Variants in HTRA3 observed in about 807,000 individuals in gnomAD.
HTRA3 encodes the protein serine protease HTRA3.
Under a neutral mutation model 43.2 loss-of-function variants are expected in HTRA3, and 41 were observed. That is an observed-to-expected ratio of 0.95 (90% CI 0.74 to 1.23). HTRA3 has a LOEUF of 1.23. HTRA3 is among the 50% of genes most tolerant of loss of function. The pLI is 0.00. For synonymous variants in HTRA3, 295 were observed against 287.9 expected, an observed-to-expected ratio of 1.02 and a Z score of -0.25; for missense variants, 628 against 647.1, an observed-to-expected ratio of 0.97 and a Z score of 0.32.
In HTRA3 at chr4:8,306,188, A is replaced by T; in HGVS notation, c.*52A>T. The T allele has an allele frequency of 6.6e-7, 1 of 1,508,198 alleles. No homozygotes were observed. Among genetic ancestry groups the T allele is most frequent in the Non-Finnish European group, 8.9e-7 (1 of 1,122,824 alleles). 93.4% of individuals were successfully genotyped at this position (1,508,198 alleles called of 1,614,324 possible). Reference sequence around the variant, plus strand: ...TCAGAGCCTGCAGACAACGGAGGGCAGCGCCCCCCCGAGATCAGGACGAAG... The same window carrying T: ...TCAGAGCCTGCAGACAACGGAGGGCTGCGCCCCCCCGAGATCAGGACGAAG... On this transcript the variant is annotated 3_prime_UTR_variant, in exon 9 of 9. Transcript: ENST00000307358. The surrounding 1 kb of genome is among the most constrained non-coding windows in gnomAD (Gnocchi z 8.9).
rs750562329 is a variant in HTRA3, at chr4:8,304,292, AGAG to A, written c.1196+17_1196+19del. ...CACCTTCTCAGAGGTAGGCTCTGCC[AGAG>A]GAGATCGCTCGAGGCATGGGGCAGG... is the stretch of plus-strand genomic sequence containing the variant. On this transcript the variant is annotated intron_variant, in intron 8 of 8. Coordinates refer to ENST00000307358, the MANE Select transcript of HTRA3 (RefSeq NM_053044.5). The A allele has an allele frequency of 1.8e-5, 29 of 1,610,726 alleles. No individual in the cohort carries two copies. Among genetic ancestry groups the A allele is most frequent in the Non-Finnish European group, 2.5e-5 (29 of 1,176,990 alleles).
chr4:8,271,740 C>T (rs982727949), intron 1 of HTRA3, among the ~76,000 whole-genome samples: 6 of 136,980 alleles, frequency 4.4e-5, no homozygotes, highest in South Asian at 2.9e-4. Flanking sequence ...CAAGGCCGAA[C>T]GCTGCCTGTA....
intron 6 of HTRA3, among the ~76,000 whole-genome samples, chr4:8,294,615 T>C (rs867443990): frequency 0.44 from 295 of 676 alleles, 12 homozygotes; most frequent in South Asian, 0.5. Flanking sequence ...CATCCATCCA[T>C]CCATCCATCC....
chr4:8,297,811 C>T lies in HTRA3; in HGVS notation c.1051+3610C>T, dbSNP rs1713506773. On this transcript the variant is annotated intron_variant, in intron 6 of 8. Transcript: ENST00000307358. The surrounding 1 kb of genome is among the most constrained non-coding windows in gnomAD (Gnocchi z 5.8). ...CCAGCCTGGCCCCTCCTGCTCCAGG[C>T]TCAGACGCGCAGCTGCTTGTGGGAT... Among the ~76,000 whole-genome samples the T allele has an allele frequency of 2.6e-5, 4 of 152,140 alleles. No homozygotes were observed. Among genetic ancestry groups the T allele is most frequent in the Admixed American group, 1.3e-4 (2 of 15,288 alleles).
chr4:8,304,643 G>GT lies in HTRA3; in HGVS notation c.1196+395dup, dbSNP rs140790982. Among the ~76,000 whole-genome samples, 103 of 62,718 alleles carry GT rather than the reference G, an allele frequency of 1.6e-3. 11 individuals are homozygous for GT. Among genetic ancestry groups the GT allele is most frequent in the African/African-American group, 2.9e-3 (43 of 14,644 alleles). 41.1% of individuals were successfully genotyped at this position (62,718 alleles called of 152,430 possible). On this transcript the variant is annotated intron_variant, in intron 8 of 8. Transcript: ENST00000307358. ...TAAAGTGGAGATAATTCAGCCTATT[G>GT]TTTTTTTTTTTTTTTTTTTTTTTTT...
chr4:8,275,303 C>T (rs988577632), intron 1 of HTRA3, among the ~76,000 whole-genome samples: 4 of 152,246 alleles, frequency 2.6e-5, no homozygotes, highest in African/African-American at 9.6e-5. Context: ...CACACAGCAG[C>T]CTGAAGGGAC....
rs897649695 is a variant in HTRA3 at position 8,306,907 on chromosome 4, G to T, written c.*771G>T. The T allele has an allele frequency of 6.6e-6, 1 of 152,654 alleles. No individual in the cohort carries two copies. The highest frequency in any genetic ancestry group is 1.5e-5 in the Non-Finnish European group (1 of 68,062). 9.5% of individuals were successfully genotyped at this position (152,654 alleles called of 1,614,324 possible). A position where few individuals can be genotyped will look rare whatever the true frequency, so the allele number is the denominator to read the frequency against. On this transcript the variant is annotated 3_prime_UTR_variant, in exon 9 of 9. Coordinates refer to ENST00000307358, the MANE Select transcript of HTRA3 (RefSeq NM_053044.5). This position sits in a 1 kb window ranked among gnomAD's most constrained non-coding sequence, Gnocchi z 8.9. ...GACTGAGCCGGCTTCCCCTTCCCACGCAGCTCTGGGATGCAGCAGCCGCTC... is the reference window on the plus strand; with the variant it reads ...GACTGAGCCGGCTTCCCCTTCCCACTCAGCTCTGGGATGCAGCAGCCGCTC...
At chr4:8,270,532 C>A (rs904674859) in intron 1 of HTRA3, among the ~76,000 whole-genome samples, 179 bp downstream of exon 1, 30 of 152,204 alleles carry the variant, frequency 2.0e-4, no homozygotes, top group African/African-American at 6.0e-4. Flanking sequence ...GAAAGGTAAA[C>A]CGCTGTCCCC....
Position 8,270,343 on chromosome 4 carries a change from C to T in HTRA3, c.375C>T (p.Ala125=), listed in dbSNP as rs1457959123. ...CCGTGCGCCAGCTGCAGAAGGGCGC[C>T]TGCCCGTTGGGTAAGCGCTCGGGGG... The part of the protein sequence containing the change: ...GTPVRQLQKG[A]CPLGLHQLSS... Residue 125 remains alanine (A), a synonymous_variant, in exon 1 of 9, where the codon GCC becomes GCT. Coordinates refer to ENST00000307358, the MANE Select transcript of HTRA3 (RefSeq NM_053044.5). 2.8e-6 allele frequency: 4 copies of T among 1,420,896 alleles called. No homozygotes were observed. The highest frequency in any genetic ancestry group is 3.7e-6 in the Non-Finnish European group (4 of 1,094,566). The allele number at this position is 1,420,896 out of a possible 1,614,324, so 88.0% of individuals were successfully genotyped here.
rs761047128 is a variant in HTRA3 at position 8,296,087 on chromosome 4, C to G, written c.1051+1886C>G. On this transcript the variant is annotated intron_variant, in intron 6 of 8. Coordinates refer to ENST00000307358, the MANE Select transcript of HTRA3 (RefSeq NM_053044.5). This position sits in a 1 kb window ranked among gnomAD's most constrained non-coding sequence, Gnocchi z 5.3. Reference sequence around the variant, plus strand: ...TGAATTATCCCATTCTCCATGGGTGCCTTTGACTTTGGCCTCCTTACTGGA... The same window carrying G: ...TGAATTATCCCATTCTCCATGGGTGGCTTTGACTTTGGCCTCCTTACTGGA... 5 of 1,039,492 alleles carry G rather than the reference C, an allele frequency of 4.8e-6. No individual in the cohort carries two copies. Among genetic ancestry groups the G allele is most frequent in the Non-Finnish European group, 5.8e-6 (5 of 865,738 alleles). 64.4% of individuals were successfully genotyped at this position (1,039,492 alleles called of 1,614,324 possible).
chr4:8,302,502 T>C lies in HTRA3; in HGVS notation c.1091T>C (p.Ile364Thr), dbSNP rs1446659220. 1 of 1,613,992 alleles carries C rather than the reference T, an allele frequency of 6.2e-7. No individual in the cohort carries two copies. The highest frequency in any genetic ancestry group is 8.5e-7 in the Non-Finnish European group (1 of 1,179,954). The stretch of plus-strand genomic sequence containing the variant: ...TTCATCGGCATACGGATGCGGACGA[T>C]CACACCAAGGTGAGTGTCTGAAGAG... ...KRFIGIRMRT[I>T]TPSLVDELKA... Residue 364 changes from isoleucine (I) to threonine (T), a missense_variant, in exon 7 of 9, where the codon ATC (isoleucine) becomes ACC (threonine). Coordinates refer to ENST00000307358, the MANE Select transcript of HTRA3 (RefSeq NM_053044.5).
At chr4:8,304,763 C>A (rs1713780005) in intron 8 of HTRA3, among the ~76,000 whole-genome samples, 1 of 148,398 alleles carries the variant, frequency 6.7e-6, no homozygotes, top group Non-Finnish European at 1.5e-5. Flanking sequence ...TCAAGCGACT[C>A]TCCTGCCTCA....
intron 3 of HTRA3, among the ~76,000 whole-genome samples, chr4:8,288,253 C>G (rs1356839244): frequency 2.0e-5 from 3 of 152,184 alleles, no homozygotes; most frequent in African/African-American, 7.2e-5. Context: ...GGGGTGTGCT[C>G]ACGGACAGGA....
chr4:8,273,670 C>T (rs2153003493), intron 1 of HTRA3, among the ~76,000 whole-genome samples: 1 of 152,164 alleles, frequency 6.6e-6, no homozygotes, highest in East Asian at 1.9e-4. Context: ...CTCTACTCTT[C>T]CCAGCCCCAC....
intron 1 of HTRA3, among the ~76,000 whole-genome samples, chr4:8,281,824 G>C (rs1712759050): frequency 6.6e-6 from 1 of 152,232 alleles, no homozygotes; most frequent in Non-Finnish European, 1.5e-5. Context: ...AGTCGGGCTG[G>C]GGTGTGGCCA....
chr4:8,282,248 A>G (rs1268439134), intron 1 of HTRA3, among the ~76,000 whole-genome samples, 189 bp from the exon 2 acceptor site: 3 of 152,002 alleles, frequency 2.0e-5, no homozygotes, highest in African/African-American at 7.2e-5. Flanking sequence ...CCCCTTCCCA[A>G]ATGCCTGGTG....
rs769532680 is a variant in HTRA3 at position 8,270,145 on chromosome 4, C to A, written c.177C>A (p.Gly59=). The part of the protein sequence containing the change: ...NCCLVCAASE[G]EPCGGPLDSP... The stretch of plus-strand genomic sequence containing the variant: ...GCCTGGTGTGCGCCGCCAGCGAGGG[C>A]GAGCCCTGTGGCGGCCCTCTGGACT... Residue 59 remains glycine, a synonymous_variant, in exon 1 of 9, where the codon GGC becomes GGA. Coordinates refer to ENST00000307358, the MANE Select transcript of HTRA3 (RefSeq NM_053044.5). 3.2e-6 allele frequency: 5 copies of A among 1,543,948 alleles called. No homozygotes were observed. The highest frequency in any genetic ancestry group is 4.3e-6 in the Non-Finnish European group (5 of 1,157,474).
intron 1 of HTRA3, among the ~76,000 whole-genome samples, chr4:8,276,516 T>C (rs971008305): frequency 6.6e-5 from 10 of 152,234 alleles, no homozygotes; most frequent in Non-Finnish European, 1.2e-4. Flanking sequence ...GGGAGTTTCA[T>C]TGGCCCCGGT....
At chr4:8,274,131 C>T (rs1712421295) in intron 1 of HTRA3, among the ~76,000 whole-genome samples, 1 of 152,214 alleles carries the variant, frequency 6.6e-6, no homozygotes, top group South Asian at 2.1e-4. Flanking sequence ...TGCCACCTGG[C>T]CCGCATCACC....
Sources: gnomAD v4.1 joint callset for allele counts (sites outside exome capture counted in the v4.1 genomes callset) on GRCh38, gnomAD v4.1.1 for gene constraint, Gnocchi (gnomAD v3.1) non-coding constraint, MANE v1.5 for transcripts, NCBI Gene and HGNC (gene_info 2026-07-23, HGNC 2026-07-21) for gene names.